Variants in TSPAN5 observed in about 807,000 individuals in gnomAD.
TSPAN5 encodes the protein tetraspanin-5.
A neutral mutation model predicts 37.1 loss-of-function variants in TSPAN5; 10 were observed. That is an observed-to-expected ratio of 0.27 (90% CI 0.17 to 0.46). The LOEUF is 0.46. TSPAN5 is among the 20% of genes least tolerant of loss of function. The pLI, the probability that TSPAN5 is intolerant of heterozygous loss-of-function variation, is 1.00. For synonymous variants in TSPAN5, 110 were observed against 118.9 expected, an observed-to-expected ratio of 0.93 and a Z score of 0.48; for missense variants, 195 against 326.6, an observed-to-expected ratio of 0.60 and a Z score of 3.11.
At chr4:98,572,873 A>C (rs2110184604) in intron 1 of TSPAN5, among the ~76,000 whole-genome samples, 1 of 152,356 alleles carries the variant, frequency 6.6e-6, no homozygotes, top group Middle Eastern at 3.4e-3. Context: ...CAGATTGTCT[A>C]ACTCATGAGA....
chr4:98,587,826 C>T (rs1755530827), intron 1 of TSPAN5, among the ~76,000 whole-genome samples: 1 of 152,050 alleles, frequency 6.6e-6, no homozygotes, highest in Admixed American at 6.5e-5. Context: ...GAGGCGAAGG[C>T]AGCAGTGAGC....
At chr4:98,617,057 TCAAA>T (rs1304225296) in intron 1 of TSPAN5, among the ~76,000 whole-genome samples, 1 of 152,008 alleles carries the variant, frequency 6.6e-6, no homozygotes, top group Non-Finnish European at 1.5e-5. Flanking sequence ...ACTCCTGAGC[TCAAA>T]CAATCACCTG....
chr4:98,657,162 TTGTC>T (rs532029467), intron 1 of TSPAN5, among the ~76,000 whole-genome samples: 34 of 152,288 alleles, frequency 2.2e-4, no homozygotes, highest in African/African-American at 7.2e-4. Context: ...GGAGAACTCT[TTGTC>T]TGGCTGCTGA....
Position 98,585,079 on chromosome 4 carries a change from T to A in TSPAN5, c.81+73067A>T, listed in dbSNP as rs188878081. On this transcript the variant is annotated intron_variant, in intron 1 of 7. Coordinates refer to ENST00000305798, the MANE Select transcript of TSPAN5 (RefSeq NM_005723.4). The stretch of plus-strand genomic sequence containing the variant: ...TGACTTATCTGTGTCAGGACTAATG[T>A]TGAAAGAGCACTAGATCTGCAGTCA... Among the ~76,000 whole-genome samples, 221 of 152,332 alleles carry A rather than the reference T, an allele frequency of 1.5e-3. 1 individual carries two copies. The highest frequency in any genetic ancestry group is 5.1e-3 in the African/African-American group (213 of 41,574).
rs952385876 is a variant in TSPAN5 at position 98,544,627 on chromosome 4, C to T, written c.82-36899G>A. On this transcript the variant is annotated intron_variant, in intron 1 of 7. Coordinates refer to ENST00000305798, the MANE Select transcript of TSPAN5 (RefSeq NM_005723.4). ...GTCTGTATTTTGCTGTTCATAACGA[C>T]GGCAACAAGTACTAAAGGTGTGCGA... is the stretch of plus-strand genomic sequence containing the variant. Among the ~76,000 whole-genome samples the T allele has an allele frequency of 3.9e-5, 6 of 151,972 alleles. No homozygotes were observed. The East Asian group carries it at 5.8e-4, about 15-fold the overall frequency.
intron 1 of TSPAN5, among the ~76,000 whole-genome samples, chr4:98,624,903 G>T (rs953609529): frequency 6.7e-6 from 1 of 149,148 alleles, no homozygotes; most frequent in Admixed American, 6.7e-5. Flanking sequence ...CCACACTTAA[G>T]ACTTTAGATT....
intron 1 of TSPAN5, among the ~76,000 whole-genome samples, chr4:98,514,780 G>T (rs1238607466): frequency 6.6e-6 from 1 of 152,190 alleles, no homozygotes; most frequent in Non-Finnish European, 1.5e-5. Flanking sequence ...TGAGCAAGGA[G>T]GTCATCTAGG....
intron 1 of TSPAN5, among the ~76,000 whole-genome samples, chr4:98,595,295 T>C (rs1407606271): frequency 9.0e-6 from 1 of 110,504 alleles, no homozygotes; most frequent in Non-Finnish European, 1.8e-5. Context: ...ATCCCCTTTA[T>C]CATTTTTTAT....
chr4:98,474,181 T>C (rs2110251464), intron 7 of TSPAN5, among the ~76,000 whole-genome samples: 1 of 152,374 alleles, frequency 6.6e-6, no homozygotes, highest in South Asian at 2.1e-4. Flanking sequence ...AGCTCTTATA[T>C]TTAGGTCTTT....
chr4:98,545,476 T>G (rs180813164), intron 1 of TSPAN5, among the ~76,000 whole-genome samples: 101 of 152,344 alleles, frequency 6.6e-4, no homozygotes, highest in African/African-American at 2.3e-3. Flanking sequence ...ATTTTTTCAT[T>G]TAACCACACT....
intron 1 of TSPAN5, among the ~76,000 whole-genome samples, chr4:98,629,896 C>CA (rs894842082): frequency 6.6e-5 from 10 of 151,906 alleles, no homozygotes; most frequent in South Asian, 2.1e-4. Context: ...GCTTCCCTTT[C>CA]AAAAAAAAGT....
intron 2 of TSPAN5, among the ~76,000 whole-genome samples, chr4:98,488,143 G>C (rs1050655776): frequency 1.3e-5 from 2 of 152,188 alleles, no homozygotes; most frequent in Non-Finnish European, 2.9e-5. Flanking sequence ...GAGCAGTTTG[G>C]TGATGGGCTG....
At chr4:98,592,421 G>GTTTTTTTTTTTTTTTTTT (rs1204813183) in intron 1 of TSPAN5, among the ~76,000 whole-genome samples, 11 of 95,256 alleles carry the variant, frequency 1.2e-4, no homozygotes, top group African/African-American at 3.5e-4. Flanking sequence ...AGGGATCTCT[G>GTTTTTTTTTTTTTTTTTT]TTTTTTGTTT....
intron 1 of TSPAN5, among the ~76,000 whole-genome samples, chr4:98,551,693 G>T (rs1410518593): frequency 3.3e-5 from 5 of 151,048 alleles, no homozygotes; most frequent in Non-Finnish European, 5.9e-5. Flanking sequence ...GTAGAGATGG[G>T]GTTTCACAGT....
chr4:98,555,102 C>T (rs1408935738), intron 1 of TSPAN5, among the ~76,000 whole-genome samples: 3 of 152,170 alleles, frequency 2.0e-5, no homozygotes, highest in African/African-American at 7.2e-5. Flanking sequence ...TTACTGCTTC[C>T]AGCAGCCCCA....
chr4:98,612,880 T>G (rs1477062464), intron 1 of TSPAN5, among the ~76,000 whole-genome samples: 1 of 152,222 alleles, frequency 6.6e-6, no homozygotes, highest in Non-Finnish European at 1.5e-5. Context: ...TCTCACTTCC[T>G]CAGAGCGGCC....
At chr4:98,505,430 C>T (rs1753457807) in intron 2 of TSPAN5, among the ~76,000 whole-genome samples, 1 of 152,166 alleles carries the variant, frequency 6.6e-6, no homozygotes, top group African/African-American at 2.4e-5. Flanking sequence ...GTCCCTGCCT[C>T]AGGGCCACTG....
At chr4:98,642,321 TA>T (rs1419733351) in intron 1 of TSPAN5, among the ~76,000 whole-genome samples, 8 of 152,186 alleles carry the variant, frequency 5.3e-5, no homozygotes, top group Admixed American at 5.2e-4. Context: ...AACTGGATTT[TA>T]AAAGATTCTT....
chr4:98,543,436 G>C (rs1553912802), intron 1 of TSPAN5, among the ~76,000 whole-genome samples: 1 of 139,972 alleles, frequency 7.1e-6, no homozygotes, highest in Non-Finnish European at 1.5e-5. Context: ...TTTTTTTTGA[G>C]ATGAAGTCTC....
Sources: gnomAD v4.1 joint callset for allele counts (sites outside exome capture counted in the v4.1 genomes callset) on GRCh38, gnomAD v4.1.1 for gene constraint, MANE v1.5 for transcripts, NCBI Gene and HGNC (gene_info 2026-07-23, HGNC 2026-07-21) for gene names.